The following LHFPL6 variants were observed in gnomAD, a reference collection of about 807,000 sequenced individuals.
LHFPL6 encodes the protein LHFPL tetraspan subfamily member 6 protein.
LHFPL6 carries 9 observed loss-of-function variants against 20.6 expected under a neutral mutation model. That is an observed-to-expected ratio of 0.44 (90% CI 0.26 to 0.76). LHFPL6 has a LOEUF of 0.76. Among genes scored for constraint, LHFPL6 ranks in the 30% least tolerant of loss-of-function variants. LHFPL6 has a pLI of 0.20. For missense variants in LHFPL6, 218 were observed against 253.5 expected (o/e 0.86, Z 0.95); for synonymous variants, 105 against 98.7 (o/e 1.06, Z -0.38).
chr13:39,400,175 T>G (rs760284407), intron 2 of LHFPL6, among the ~76,000 whole-genome samples: 8 of 152,214 alleles, frequency 5.3e-5, no homozygotes, highest in Non-Finnish European at 7.4e-5. Context: ...TGAAAATTAT[T>G]AATAGCCAAA....
At chr13:39,571,916 G>A (rs9548829) in intron 2 of LHFPL6, among the ~76,000 whole-genome samples, 51,754 of 152,104 alleles carry the variant, frequency 0.34, 9,960 homozygotes, top group Non-Finnish European at 0.43. Flanking sequence ...TCCTACGCTC[G>A]CTTGCTCATG....
intron 2 of LHFPL6, among the ~76,000 whole-genome samples, chr13:39,473,197 T>C (rs1872992648): frequency 6.6e-6 from 1 of 151,356 alleles, no homozygotes; most frequent in Non-Finnish European, 1.5e-5. Context: ...GTTCTAAAGA[T>C]GGCCAGGTCC....
At chr13:39,462,984 T>C (rs1872722366) in intron 2 of LHFPL6, among the ~76,000 whole-genome samples, 2 of 152,078 alleles carry the variant, frequency 1.3e-5, no homozygotes, top group African/African-American at 2.4e-5. Flanking sequence ...GCCATGAACA[T>C]GTTCAGGAAA....
intron 2 of LHFPL6, among the ~76,000 whole-genome samples, chr13:39,474,672 AT>A (rs1269885747): frequency 2.0e-5 from 3 of 152,212 alleles, no homozygotes; most frequent in Non-Finnish European, 4.4e-5. Context: ...ATAAACATTT[AT>A]TAAACTCTGC....
intron 2 of LHFPL6, among the ~76,000 whole-genome samples, chr13:39,543,388 G>A (rs1267827534): frequency 6.6e-6 from 1 of 152,186 alleles, no homozygotes; most frequent in South Asian, 2.1e-4. Flanking sequence ...TTTGTGTTTG[G>A]TTTTTGCAGG....
intron 2 of LHFPL6, among the ~76,000 whole-genome samples, chr13:39,390,820 C>A (rs1406664729): frequency 6.6e-6 from 1 of 152,030 alleles, no homozygotes; most frequent in Non-Finnish European, 1.5e-5. Flanking sequence ...CATGGTGAAA[C>A]CCCATCTATA....
At chr13:39,573,250 T>A (rs1248109532) in intron 2 of LHFPL6, among the ~76,000 whole-genome samples, 1 of 152,074 alleles carries the variant, frequency 6.6e-6, no homozygotes, top group African/African-American at 2.4e-5. Context: ...CTATTTCTAC[T>A]AAGCAAAAAA....
At chr13:39,387,602 A>T (rs1244503839) in intron 2 of LHFPL6, among the ~76,000 whole-genome samples, 3 of 151,670 alleles carry the variant, frequency 2.0e-5, no homozygotes, top group Non-Finnish European at 4.4e-5. Context: ...TTAATAGGTG[A>T]AGGAAACCAA....
intron 2 of LHFPL6, among the ~76,000 whole-genome samples, chr13:39,401,921 A>G (rs1450093036): frequency 6.6e-6 from 1 of 152,176 alleles, no homozygotes; most frequent in East Asian, 1.9e-4. Context: ...CAAAATGAAC[A>G]ATGGGTTATT....
At chr13:39,433,710 T>C (rs1871875752) in intron 2 of LHFPL6, among the ~76,000 whole-genome samples, 1 of 152,188 alleles carries the variant, frequency 6.6e-6, no homozygotes, top group Non-Finnish European at 1.5e-5. Context: ...TGACCTCAGA[T>C]GTTGTGGAAA....
At chr13:39,525,099 G>A (rs9532391) in intron 2 of LHFPL6, among the ~76,000 whole-genome samples, 29,520 of 152,132 alleles carry the variant, frequency 0.19, 2,972 homozygotes, top group South Asian at 0.35. Context: ...TGCTCAGGGC[G>A]TTTGAGTTCG....
At chr13:39,444,542 T>C (rs1872233888) in intron 2 of LHFPL6, among the ~76,000 whole-genome samples, 2 of 152,158 alleles carry the variant, frequency 1.3e-5, no homozygotes, top group South Asian at 4.1e-4. Context: ...TTCGCTGCCC[T>C]ACATTGCCTT....
intron 2 of LHFPL6, among the ~76,000 whole-genome samples, chr13:39,529,098 T>C (rs371076903): frequency 3.2e-4 from 48 of 152,160 alleles, no homozygotes; most frequent in South Asian, 1.7e-3. Flanking sequence ...TCTTTTTTTT[T>C]TCCTTCTTCT....
intron 2 of LHFPL6, among the ~76,000 whole-genome samples, chr13:39,485,409 C>T (rs1397110869): frequency 6.6e-6 from 1 of 152,144 alleles, no homozygotes; most frequent in Non-Finnish European, 1.5e-5. Context: ...ATCTCTTCTT[C>T]TCCTATCTGA....
intron 2 of LHFPL6, among the ~76,000 whole-genome samples, chr13:39,393,395 A>G (rs1309807297): frequency 6.6e-6 from 1 of 152,232 alleles, no homozygotes; most frequent in Non-Finnish European, 1.5e-5. Flanking sequence ...GTGTCATGTT[A>G]GCAGCAAAAC....
At chr13:39,430,224 T>G (rs1275495056) in intron 2 of LHFPL6, among the ~76,000 whole-genome samples, 1 of 152,214 alleles carries the variant, frequency 6.6e-6, no homozygotes, top group Non-Finnish European at 1.5e-5. Context: ...TTCTCAAAAC[T>G]TATTCCCCAT....
chr13:39,432,560 C>T (rs550216341), intron 2 of LHFPL6, among the ~76,000 whole-genome samples: 5 of 152,278 alleles, frequency 3.3e-5, no homozygotes, highest in East Asian at 3.9e-4. Context: ...ATCTCACTCT[C>T]GATTAGGTCT....
chr13:39,459,938 C>A (rs1038065576), intron 2 of LHFPL6, among the ~76,000 whole-genome samples: 1 of 152,062 alleles, frequency 6.6e-6, no homozygotes, highest in Admixed American at 6.5e-5. Flanking sequence ...ATTAGCATAC[C>A]TTACAACTCT....
At chr13:39,418,731 A>G (rs2138394020) in intron 2 of LHFPL6, among the ~76,000 whole-genome samples, 1 of 152,266 alleles carries the variant, frequency 6.6e-6, no homozygotes, top group Middle Eastern at 3.4e-3. Flanking sequence ...AGTCACAGAA[A>G]CCTCACAATA....
Sources: gnomAD v4.1 joint callset for allele counts (sites outside exome capture counted in the v4.1 genomes callset) on GRCh38, gnomAD v4.1.1 for gene constraint, MANE v1.5 for transcripts, NCBI Gene and HGNC (gene_info 2026-07-23, HGNC 2026-07-21) for gene names.